The following ZFPM1 variants were observed in gnomAD, a reference collection of about 807,000 sequenced individuals.
The protein encoded by ZFPM1 is zinc finger protein ZFPM1.
In ZFPM1, 28 loss-of-function variants were observed where a neutral mutation model predicts 46.3. The observed-to-expected ratio is 0.60, with a 90% confidence interval of 0.45 to 0.83. The LOEUF is 0.83. ZFPM1 is among the 40% of genes least tolerant of loss of function. The pLI, the probability that ZFPM1 is intolerant of heterozygous loss-of-function variation, is 0.00. For synonymous variants in ZFPM1, 957 were observed against 675.9 expected, an observed-to-expected ratio of 1.42 and a Z score of -6.45; for missense variants, 1,878 against 1,432.4, an observed-to-expected ratio of 1.31 and a Z score of -5.02.
At chr16:88,476,205 C>T (rs747012981) in intron 1 of ZFPM1, among the ~76,000 whole-genome samples, 5 of 152,176 alleles carry the variant, frequency 3.3e-5, no homozygotes, top group Non-Finnish European at 4.4e-5. Flanking sequence ...GAAGGCCCCT[C>T]GCGGGAACCA....
chr16:88,522,661 A>C (rs1216165202), intron 4 of ZFPM1, among the ~76,000 whole-genome samples: 1 of 152,212 alleles, frequency 6.6e-6, no homozygotes, highest in African/African-American at 2.4e-5. Context: ...GGAAACAAGG[A>C]ACATTCTCAG....
chr16:88,490,679 CAG>C (rs1158155096), intron 3 of ZFPM1, among the ~76,000 whole-genome samples: 3 of 152,182 alleles, frequency 2.0e-5, no homozygotes, highest in African/African-American at 7.2e-5. Flanking sequence ...GCCGGGGCCA[CAG>C]AGAGAGGGGT....
intron 4 of ZFPM1, among the ~76,000 whole-genome samples, chr16:88,526,606 A>T (rs1342809638): frequency 6.6e-6 from 1 of 152,170 alleles, no homozygotes; most frequent in African/African-American, 2.4e-5. Flanking sequence ...TCCCAGCCCC[A>T]GCACGGTGTT....
rs138076531 is a variant in ZFPM1, at chr16:88,532,703, C to T, written c.1036C>T (p.Leu346=). ...ERHLKVHTDT[L]SGVCHSCGFI... is the part of the protein sequence containing the mutation. ...GCACCTCAAGGTGCACACGGACACG[C>T]TGAGCGGTAGGCACCGCAGGGGCCG... is the stretch of plus-strand genomic sequence containing the variant. The change falls in exon 8 of 10, where the codon CTG becomes TTG. Residue 346 remains leucine, a synonymous_variant. Coordinates refer to ENST00000319555, the MANE Select transcript of ZFPM1 (RefSeq NM_153813.3). 3 of 1,611,512 alleles carry T rather than the reference C, an allele frequency of 1.9e-6. No homozygotes were observed. The highest frequency in any genetic ancestry group is 1.3e-5 in the African/African-American group (1 of 74,906).
At position 88,469,710 on chromosome 16, in the gene ZFPM1, G is replaced by A. The variant is rs118141473; in HGVS notation, c.40+16032G>A. 9.9e-3 allele frequency among the ~76,000 whole-genome samples: 1,514 copies of A among 152,332 alleles called. 9 individuals are homozygous for A. Among genetic ancestry groups the A allele is most frequent in the Non-Finnish European group, 0.015 (1,009 of 68,026 alleles). ...CACGGCACCTGAAAATCAGCCACAG[G>A]TGTGGGTGTTTGTCAAAAATGTGTA... On this transcript the variant is annotated intron_variant, in intron 1 of 9. Transcript: ENST00000319555. The surrounding 1 kb of genome is among the most constrained non-coding windows in gnomAD (Gnocchi z 4.3).
At chr16:88,475,353 T>A (rs1213941946) in intron 1 of ZFPM1, among the ~76,000 whole-genome samples, 2 of 151,910 alleles carry the variant, frequency 1.3e-5, no homozygotes, top group Non-Finnish European at 2.9e-5. Flanking sequence ...AGGGAAGGTG[T>A]GGGACCGGGA....
chr16:88,519,543 G>A (rs1216574081), intron 4 of ZFPM1, among the ~76,000 whole-genome samples: 1 of 150,114 alleles, frequency 6.7e-6, no homozygotes, highest in East Asian at 2.0e-4. Flanking sequence ...TGGGTGGGTG[G>A]CTGAAAGGAT....
intron 1 of ZFPM1, among the ~76,000 whole-genome samples, chr16:88,458,911 C>T (rs1040983958): frequency 3.9e-5 from 6 of 152,178 alleles, no homozygotes; most frequent in African/African-American, 7.2e-5. Context: ...TGGTGAGTCC[C>T]GCCACTCTGG....
intron 1 of ZFPM1, among the ~76,000 whole-genome samples, chr16:88,484,778 C>T (rs987870239): frequency 6.6e-6 from 1 of 152,182 alleles, no homozygotes; most frequent in Admixed American, 6.5e-5. Context: ...CATCACCAGC[C>T]CCGCCGGCGG....
Position 88,533,391 on chromosome 16 carries a change from C to A in ZFPM1, c.1433C>A (p.Pro478His). 6.6e-7 allele frequency: 1 copy of A among 1,522,908 alleles called. No individual in the cohort carries two copies. The highest frequency in any genetic ancestry group is 8.8e-7 in the Non-Finnish European group (1 of 1,141,612). 94.3% of individuals were successfully genotyped at this position (1,522,908 alleles called of 1,614,324 possible). Residue 478 changes from proline to histidine, a missense_variant, in exon 10 of 10, where the codon CCC (proline) becomes CAC (histidine). Physicochemically the swap from Pro to His is moderately conservative, Grantham distance 77. Coordinates refer to ENST00000319555, the MANE Select transcript of ZFPM1 (RefSeq NM_153813.3). ...EEPEAAPILG[P>H]GEPGPQAPSR... Reference sequence around the variant, plus strand: ...CCGGAGGCGGCCCCCATCCTGGGCCCCGGAGAGCCTGGGCCCCAGGCCCCG... The same window carrying A: ...CCGGAGGCGGCCCCCATCCTGGGCCACGGAGAGCCTGGGCCCCAGGCCCCG...
intron 5 of ZFPM1, 81 bp from the exon 6 acceptor site, chr16:88,527,951 C>T (rs1912475711): frequency 2.1e-6 from 3 of 1,401,792 alleles, no homozygotes; most frequent in Non-Finnish European, 2.9e-6. Flanking sequence ...GCTCTCCTGA[C>T]CCCATCCTCT....
intron 4 of ZFPM1, chr16:88,516,759 G>A (rs944163775): frequency 6.1e-5 from 24 of 394,184 alleles, no homozygotes; most frequent in African/African-American, 1.0e-4. Flanking sequence ...CCTCCTGCCC[G>A]GATCGCCCCA....
At chr16:88,505,759 T>C (rs1597259215) in intron 3 of ZFPM1, among the ~76,000 whole-genome samples, 1 of 151,954 alleles carries the variant, frequency 6.6e-6, no homozygotes. Flanking sequence ...CCTGAGCACA[T>C]CTTGGCAAGG....
In ZFPM1 at chr16:88,533,699, G is replaced by A. The variant is rs990429969; in HGVS notation, c.1741G>A (p.Glu581Lys). ...PGAPKGATCF[E>K]CEITFSNVNN... ...GGCCCCCAAGGGCGCTACGTGCTTC[G>A]AGTGCGAGATCACCTTCAGCAACGT... The change falls in exon 10 of 10, where the codon GAG becomes AAG. Residue 581 changes from glutamate (E) to lysine (K), a missense_variant. Glu to Lys is a moderately conservative substitution (Grantham distance 56). Transcript: ENST00000319555. 1.3e-6 allele frequency: 2 copies of A among 1,509,310 alleles called. No individual in the cohort carries two copies. Among genetic ancestry groups the A allele is most frequent in the Admixed American group, 2.0e-5 (1 of 51,180 alleles). 93.5% of individuals were successfully genotyped at this position (1,509,310 alleles called of 1,614,324 possible).
At chr16:88,524,359 CCCAGCAGAAGCCCCCATCGGAG>C in intron 4 of ZFPM1, among the ~76,000 whole-genome samples, 1 of 152,324 alleles carries the variant, frequency 6.6e-6, no homozygotes, top group East Asian at 1.9e-4. Flanking sequence ...CCCAGCCTGC[CCCAGCAGAAGCCCCCATCGGAG>C]CCGGCAGAGC....
intron 1 of ZFPM1, among the ~76,000 whole-genome samples, chr16:88,485,506 C>T (rs888590122): frequency 1.1e-4 from 16 of 150,484 alleles, no homozygotes; most frequent in East Asian, 3.9e-4. Flanking sequence ...GCGGTGCAAT[C>T]GCGGCTCACT....
At chr16:88,488,239 G>T (rs779224468) in intron 2 of ZFPM1, among the ~76,000 whole-genome samples, 1 of 152,084 alleles carries the variant, frequency 6.6e-6, no homozygotes, top group African/African-American at 2.4e-5. Context: ...GACCCGGGCC[G>T]GCTTCCCGGG....
intron 3 of ZFPM1, among the ~76,000 whole-genome samples, chr16:88,491,891 G>T (rs888517832): frequency 9.2e-5 from 14 of 152,216 alleles, no homozygotes; most frequent in African/African-American, 3.4e-4. Context: ...GGCTCTGTGG[G>T]CTGTTATCTC....
chr16:88,534,113 G>A lies in ZFPM1; in HGVS notation c.2155G>A (p.Ala719Thr), dbSNP rs1325636211. Residue 719 changes from alanine to threonine, a missense_variant, in exon 10 of 10, where the codon GCG becomes ACG. Coordinates refer to ENST00000319555, the MANE Select transcript of ZFPM1 (RefSeq NM_153813.3). ...RHDPPPRRPA[A>T]PPGPPGPAAP... is the part of the protein sequence containing the mutation. The stretch of plus-strand genomic sequence containing the variant: ...CGACCCGCCGCCGCGCCGACCGGCC[G>A]CGCCCCCGGGACCCCCTGGGCCGGC... The A allele has an allele frequency of 3.0e-5, 34 of 1,133,282 alleles. No individual in the cohort carries two copies. The highest frequency in any genetic ancestry group is 5.5e-5 in the South Asian group (3 of 55,038). The allele number at this position is 1,133,282 out of a possible 1,614,324, so 70.2% of individuals were successfully genotyped here. A position where few individuals can be genotyped will look rare whatever the true frequency, so the allele number is the denominator to read the frequency against.
Sources: allele counts gnomAD v4.1 joint callset (sites outside exome capture counted in the v4.1 genomes callset), GRCh38; gene constraint gnomAD v4.1.1; non-coding constraint Gnocchi (gnomAD v3.1); transcripts MANE v1.5; gene names NCBI Gene and HGNC (gene_info 2026-07-23, HGNC 2026-07-21).